DNAH11: variants seen among roughly 807,000 people sequenced by gnomAD.
DNAH11 encodes the protein dynein axonemal heavy chain 11, also known as axonemal beta dynein heavy chain 11.
A neutral mutation model predicts 526.0 loss-of-function variants in DNAH11; 442 were observed. The ratio of observed to expected loss-of-function variants is 0.84; its 90% CI spans 0.78 to 0.91. The LOEUF is 0.91. Ranked by LOEUF, DNAH11 falls within the 40% of genes least tolerant of loss-of-function variation. DNAH11 has a pLI of 0.00. For synonymous variants in DNAH11, 2,461 were observed against 1,935.9 expected (o/e 1.27, Z -7.12); for missense variants, 6,989 against 5,448.7 (o/e 1.28, Z -8.90).
intron 75 of DNAH11, among the ~76,000 whole-genome samples, chr7:21,883,622 T>C (rs1476290262): frequency 6.6e-6 from 1 of 152,228 alleles, no homozygotes; most frequent in Non-Finnish European, 1.5e-5. Flanking sequence ...ATAAAGCAGA[T>C]AATAAAAACA....
Position 21,744,588 on chromosome 7 carries a change from A to G in DNAH11, c.8305A>G (p.Lys2769Glu), listed in dbSNP as rs781549876. 1.2e-6 allele frequency: 2 copies of G among 1,613,018 alleles called. No individual in the cohort carries two copies. Among genetic ancestry groups the G allele is most frequent in the Admixed American group, 1.7e-5 (1 of 59,840 alleles). The change falls in exon 50 of 82, where the codon AAA (lysine) becomes GAA (glutamate). Residue 2769 changes from lysine to glutamate, a missense_variant. By Grantham distance (56) the Lys-to-Glu change is moderately conservative. Coordinates refer to ENST00000409508, the MANE Select transcript of DNAH11 (RefSeq NM_001277115.2). The part of the protein sequence containing the change: ...FQRRMLETAY[K>E]YFEGIDSHML... ...GAGAAGAATGCTGGAAACTGCTTAT[A>G]AATATTTTGAAGTAAGCGTATGAAT...
intron 52 of DNAH11, 39 bp from the exon 53 acceptor site, chr7:21,749,639 G>A (rs1346460602): frequency 3.1e-6 from 5 of 1,611,310 alleles, no homozygotes; most frequent in Non-Finnish European, 3.4e-6. Context: ...CGCCGCATCA[G>A]CATTTTAACA....
At chr7:21,660,411 T>A (rs1423994514) in intron 30 of DNAH11, among the ~76,000 whole-genome samples, 1 of 152,026 alleles carries the variant, frequency 6.6e-6, no homozygotes, top group Non-Finnish European at 1.5e-5. Context: ...GTTTTTTTTC[T>A]AACTCTTATC....
rs764480342 is a variant in DNAH11 at position 21,852,620 on chromosome 7, A to T, written c.11050A>T (p.Ile3684Leu). ...GGCAACAAAGACCACCGTGGCAGAG[A>T]TAGAGCACAAGGTAGGAAGGGCAGA... ...LEATKTTVAE[I>L]EHKVIEAKEN... is the part of the protein sequence containing the mutation. The change falls in exon 67 of 82, where the codon ATA becomes TTA. Residue 3684 changes from isoleucine (I) to leucine (L), a missense_variant. By Grantham distance (5) the Ile-to-Leu change is conservative. Transcript: ENST00000409508. 1.9e-6 allele frequency: 3 copies of T among 1,596,064 alleles called. No homozygotes were observed. The South Asian group carries it at 3.4e-5, about 18-fold the overall frequency.
At chr7:21,593,078 A>G (rs770822317) in intron 14 of DNAH11, among the ~76,000 whole-genome samples, 1 of 152,192 alleles carries the variant, frequency 6.6e-6, no homozygotes, top group Non-Finnish European at 1.5e-5. Context: ...TGGGAATTGT[A>G]GATAGAAAAG....
At chr7:21,551,881 C>G (rs1783037368) in intron 2 of DNAH11, among the ~76,000 whole-genome samples, 1 of 152,082 alleles carries the variant, frequency 6.6e-6, no homozygotes. Flanking sequence ...TTTTTAACTA[C>G]TATGGCTTCA....
At chr7:21,621,423 A>G (rs1786048788) in intron 25 of DNAH11, among the ~76,000 whole-genome samples, 1 of 152,162 alleles carries the variant, frequency 6.6e-6, no homozygotes, top group Non-Finnish European at 1.5e-5. Flanking sequence ...TTCCTTCTGA[A>G]ACTATTCCAA....
chr7:21,690,682 C>A, intron 34 of DNAH11, 83 bp from the exon 35 acceptor site: 1 of 973,040 alleles, frequency 1.0e-6, no homozygotes, highest in Non-Finnish European at 1.6e-6. Flanking sequence ...TAATAATTTG[C>A]ATTTTGCAGT....
chr7:21,822,745 G>C (rs549083647), intron 65 of DNAH11, among the ~76,000 whole-genome samples: 3 of 152,134 alleles, frequency 2.0e-5, no homozygotes, highest in Admixed American at 2.0e-4. Flanking sequence ...ACAATGTACA[G>C]GTGTTCCCCT....
At chr7:21,604,515 C>T (rs535909252) in intron 18 of DNAH11, among the ~76,000 whole-genome samples, 2 of 152,264 alleles carry the variant, frequency 1.3e-5, no homozygotes, top group South Asian at 2.1e-4. Context: ...CACACTCACA[C>T]CATCCTGTAT....
intron 30 of DNAH11, among the ~76,000 whole-genome samples, chr7:21,661,445 G>T (rs1782239464): frequency 6.6e-6 from 1 of 151,510 alleles, no homozygotes; most frequent in South Asian, 2.1e-4. Context: ...TAAGTTGATA[G>T]TTTTTTTTAA....
rs774585659 is a variant in DNAH11, at chr7:21,717,767, C to T, written c.6984-8C>T. 115 of 1,613,342 alleles carry T rather than the reference C, an allele frequency of 7.1e-5. No homozygotes were observed. The highest frequency in any genetic ancestry group is 9.4e-5 in the Non-Finnish European group (111 of 1,179,674). ...GTTCAATAAAAGCTTTTCTGTGTTCCTTTTCAGGTATGTGGCCAGTTGGAT... is the reference window on the plus strand; with the variant it reads ...GTTCAATAAAAGCTTTTCTGTGTTCTTTTTCAGGTATGTGGCCAGTTGGAT... On this transcript the variant is annotated splice_region_variant and splice_polypyrimidine_tract_variant and intron_variant, in intron 42 of 81. Coordinates refer to ENST00000409508, the MANE Select transcript of DNAH11 (RefSeq NM_001277115.2).
At position 21,557,176 on chromosome 7, in the gene DNAH11, G is replaced by A. The variant is rs115102897; in HGVS notation, c.496-1626G>A. Among the ~76,000 whole-genome samples, 622 of 152,122 alleles carry A rather than the reference G, an allele frequency of 4.1e-3. 3 individuals carry two copies. The highest frequency in any genetic ancestry group is 0.014 in the African/African-American group (592 of 41,494). On this transcript the variant is annotated intron_variant, in intron 2 of 81. Transcript: ENST00000409508. The stretch of plus-strand genomic sequence containing the variant: ...GAGTTCTTCACAAACTACCCGTGCC[G>A]TCCTCACAGCCCAAGTATTGCCATT...
At chr7:21,549,625 A>C (rs4639414) in intron 2 of DNAH11, among the ~76,000 whole-genome samples, 3 of 151,972 alleles carry the variant, frequency 2.0e-5, no homozygotes, top group South Asian at 4.2e-4. Context: ...TGGATTCTCA[A>C]TGGTGATGAG....
chr7:21,630,246 A>G (rs1786541786), intron 25 of DNAH11, among the ~76,000 whole-genome samples: 1 of 151,638 alleles, frequency 6.6e-6, no homozygotes, highest in Admixed American at 6.6e-5. Context: ...TAGTTGTCTC[A>G]ATTTGTATAT....
chr7:21,831,965 C>CT (rs11431157), intron 65 of DNAH11, among the ~76,000 whole-genome samples: 14,389 of 151,962 alleles, frequency 0.095, 2,106 homozygotes, highest in African/African-American at 0.32. Context: ...TGGCAGGCAC[C>CT]TGTAGTCCCA....
intron 74 of DNAH11, among the ~76,000 whole-genome samples, chr7:21,876,351 C>T (rs1264706248): frequency 1.3e-5 from 2 of 152,160 alleles, no homozygotes; most frequent in Non-Finnish European, 2.9e-5. Flanking sequence ...TGCAGAAAAT[C>T]TAAAATGTTA....
At position 21,900,036 on chromosome 7, in the gene DNAH11, A is replaced by G. The variant is rs766082181; in HGVS notation, c.13219A>G (p.Thr4407Ala). Residue 4407 changes from threonine to alanine, a missense_variant, in exon 81 of 82, where the codon ACT (threonine) becomes GCT (alanine). Transcript: ENST00000409508. ...NEWPLDKTRL[T>A]ADVTKKTKED... ...GTGGCCCCTGGATAAAACGCGCTTG[A>G]CTGCTGATGTTACCAAAAAAACAAA... 1.2e-6 allele frequency: 2 copies of G among 1,613,852 alleles called. No individual in the cohort carries two copies. The highest frequency in any genetic ancestry group is 1.7e-6 in the Non-Finnish European group (2 of 1,179,880).
At chr7:21,582,407 T>C (rs1784343017) in intron 9 of DNAH11, among the ~76,000 whole-genome samples, 2 of 152,214 alleles carry the variant, frequency 1.3e-5, no homozygotes, top group Admixed American at 6.5e-5. Context: ...CCTATTTTAT[T>C]ATTCTGACTG....
Sources: allele counts gnomAD v4.1 joint callset (sites outside exome capture counted in the v4.1 genomes callset), GRCh38; gene constraint gnomAD v4.1.1; transcripts MANE v1.5; gene names NCBI Gene and HGNC (gene_info 2026-07-23, HGNC 2026-07-21).